ADAMTSL1: variants seen among roughly 807,000 people sequenced by gnomAD.
ADAMTSL1 encodes ADAMTS-like protein 1.
A neutral mutation model predicts 201.8 loss-of-function variants in ADAMTSL1; 126 were observed. The observed-to-expected ratio is 0.62, with a 90% CI of 0.54 to 0.72. ADAMTSL1 has a LOEUF of 0.72. ADAMTSL1 is among the 30% of genes least tolerant of loss of function. The pLI, the probability that ADAMTSL1 is intolerant of heterozygous loss-of-function variation, is 0.00. For missense variants in ADAMTSL1, 2,679 were observed against 2,277.8 expected (o/e 1.18, Z -3.59); for synonymous variants, 1,121 against 903.4 (o/e 1.24, Z -4.32).
chr9:18,040,751 A>G (rs1821395157), intron 1 of ADAMTSL1, among the ~76,000 whole-genome samples: 1 of 152,084 alleles, frequency 6.6e-6, no homozygotes, highest in Admixed American at 6.6e-5. Flanking sequence ...TTCTTTCTGG[A>G]AGCTAAGTGA....
chr9:18,255,214 T>C (rs1424485316), intron 2 of ADAMTSL1, among the ~76,000 whole-genome samples: 3 of 152,154 alleles, frequency 2.0e-5, no homozygotes, highest in African/African-American at 7.2e-5. Context: ...GTCCCGTGTA[T>C]TTGCACATTC....
At chr9:18,852,959 A>T (rs1049865224) in intron 23 of ADAMTSL1, among the ~76,000 whole-genome samples, 7 of 152,206 alleles carry the variant, frequency 4.6e-5, no homozygotes, top group Admixed American at 3.9e-4. Context: ...AAGATTCTGG[A>T]CCACTTGTGA....
At chr9:18,737,067 C>G (rs896894652) in intron 15 of ADAMTSL1, among the ~76,000 whole-genome samples, 3 of 152,062 alleles carry the variant, frequency 2.0e-5, no homozygotes, top group Admixed American at 6.5e-5. Flanking sequence ...GCCTGTAATC[C>G]CAACACTTTG....
intron 7 of ADAMTSL1, among the ~76,000 whole-genome samples, chr9:18,647,203 A>C (rs1218464643): frequency 6.6e-6 from 1 of 152,070 alleles, no homozygotes; most frequent in Admixed American, 6.6e-5. Context: ...CTCTGATGGT[A>C]GTTTGTATTT....
chr9:18,723,916 G>C (rs918182605), intron 15 of ADAMTSL1: 1 of 152,180 alleles, frequency 6.6e-6, no homozygotes, highest in African/African-American at 2.4e-5. Flanking sequence ...TGTTTGGTAG[G>C]AGCATAATAG....
chr9:18,514,302 G>A (rs1456782070), intron 2 of ADAMTSL1, among the ~76,000 whole-genome samples: 1 of 142,238 alleles, frequency 7.0e-6, no homozygotes, highest in African/African-American at 2.6e-5. Context: ...TTATTAGTGT[G>A]TAGAATTGCA....
chr9:18,906,571 G>C (rs1319414144), intron 27 of ADAMTSL1, 121 bp from the exon 28 acceptor site: 2 of 781,412 alleles, frequency 2.6e-6, no homozygotes, highest in South Asian at 1.9e-5. Flanking sequence ...TCCAGGTCTA[G>C]TAACGCTGAA....
chr9:18,685,309 G>A (rs537097104), intron 13 of ADAMTSL1, among the ~76,000 whole-genome samples: 2 of 152,284 alleles, frequency 1.3e-5, no homozygotes, highest in East Asian at 1.9e-4. Flanking sequence ...TATGTCCCAT[G>A]TCTACTCAAT....
chr9:18,187,398 G>A (rs551111788), intron 2 of ADAMTSL1, among the ~76,000 whole-genome samples: 1 of 152,196 alleles, frequency 6.6e-6, no homozygotes, highest in East Asian at 1.9e-4. Context: ...CTGTCCATAG[G>A]TTCACATTGG....
intron 24 of ADAMTSL1, among the ~76,000 whole-genome samples, chr9:18,889,125 C>CAAATCTGTACTGT (rs1380516083): frequency 6.6e-6 from 1 of 152,130 alleles, no homozygotes; most frequent in African/African-American, 2.4e-5. Context: ...AAGTCCAGCT[C>CAAATCTGTACTGT]AAATCTGTAC....
chr9:18,038,641 T>C (rs900027080), intron 1 of ADAMTSL1, among the ~76,000 whole-genome samples: 1 of 152,190 alleles, frequency 6.6e-6, no homozygotes, highest in Admixed American at 6.5e-5. Flanking sequence ...TAGCATTACC[T>C]AAGGGAGGGT....
chr9:18,095,148 A>G (rs1824189857), intron 1 of ADAMTSL1, among the ~76,000 whole-genome samples: 1 of 152,106 alleles, frequency 6.6e-6, no homozygotes, highest in African/African-American at 2.4e-5. Flanking sequence ...GACCTTCTGA[A>G]TCATAATCTA....
chr9:18,300,914 A>G (rs992827135), intron 2 of ADAMTSL1, among the ~76,000 whole-genome samples: 3 of 152,198 alleles, frequency 2.0e-5, no homozygotes, highest in African/African-American at 7.2e-5. Context: ...TTGAGACTAT[A>G]TTGAGAGACA....
Position 18,803,481 on chromosome 9 carries a change from T to G in ADAMTSL1, c.3805+7957T>G, listed in dbSNP as rs576167431. On this transcript the variant is annotated intron_variant, in intron 20 of 28. Transcript: ENST00000380548. ...CATTTTAGGTTCAGCTGATTAGCAA[T>G]GTTAATTCTTCCTTAGCCATGTCAC... Among the ~76,000 whole-genome samples the G allele has an allele frequency of 2.3e-3, 344 of 152,306 alleles. 4 individuals carry two copies. The highest frequency in any genetic ancestry group is 7.6e-3 in the African/African-American group (315 of 41,558).
chr9:18,799,839 A>G (rs916018375), intron 20 of ADAMTSL1, among the ~76,000 whole-genome samples: 1 of 152,222 alleles, frequency 6.6e-6, no homozygotes, highest in African/African-American at 2.4e-5. Flanking sequence ...ATAAAAGGCA[A>G]TCATTTTTTA....
chr9:18,079,851 G>T (rs529220003), intron 1 of ADAMTSL1, among the ~76,000 whole-genome samples: 3 of 152,142 alleles, frequency 2.0e-5, no homozygotes, highest in Non-Finnish European at 2.9e-5. Flanking sequence ...TCCTAAAGGG[G>T]TGATTTTGTT....
In ADAMTSL1 at chr9:18,098,126, T is replaced by C. The variant is rs145808300; in HGVS notation, c.88-65736T>C. On this transcript the variant is annotated intron_variant, in intron 1 of 29. Transcript: ENST00000680146. ...GAATTACATTAGCCTTTGTAAAAAA[T>C]AAATTATGGGTATTTTTTGGAATTT... 2.2e-4 allele frequency among the ~76,000 whole-genome samples: 34 copies of C among 152,164 alleles called. No homozygotes were observed. The East Asian group carries it at 6.6e-3, about 29-fold the overall frequency.
chr9:17,926,981 C>G (rs902740601), intron 1 of ADAMTSL1, among the ~76,000 whole-genome samples: 3 of 152,104 alleles, frequency 2.0e-5, no homozygotes, highest in African/African-American at 7.2e-5. Flanking sequence ...TGTTGTTGTA[C>G]AACCATCATT....
intron 1 of ADAMTSL1, among the ~76,000 whole-genome samples, chr9:17,970,201 A>G (rs1288110735): frequency 6.6e-6 from 1 of 151,988 alleles, no homozygotes; most frequent in Non-Finnish European, 1.5e-5. Flanking sequence ...CATCTATCCA[A>G]TGACTTCAAA....
Sources: gnomAD v4.1 joint callset for allele counts (sites outside exome capture counted in the v4.1 genomes callset) on GRCh38, gnomAD v4.1.1 for gene constraint, MANE v1.5 for transcripts, NCBI Gene and HGNC (gene_info 2026-07-23, HGNC 2026-07-21) for gene names.